Variants in PRKDC observed in about 807,000 individuals in gnomAD.
PRKDC encodes DNA-dependent protein kinase catalytic subunit.
Under a neutral mutation model 486.9 loss-of-function variants are expected in PRKDC, and 82 were observed. The ratio of observed to expected loss-of-function variants is 0.17; its 90% confidence interval spans 0.14 to 0.20. The LOEUF (loss-of-function observed/expected upper bound fraction) is 0.20, where lower values mean the gene tolerates loss of function less well. Ranked by LOEUF, PRKDC falls within the 10% of genes least tolerant of loss-of-function variation. The pLI is 1.00. For missense variants in PRKDC, 4,504 were observed against 5,038.2 expected (o/e 0.89, Z 3.21); for synonymous variants, 1,895 against 1,837.0 (o/e 1.03, Z -0.81).
intron 49 of PRKDC, among the ~76,000 whole-genome samples, chr8:47,856,047 T>G (rs762771634): frequency 6.6e-6 from 1 of 152,222 alleles, no homozygotes; most frequent in Non-Finnish European, 1.5e-5. Flanking sequence ...TCAATCTCTT[T>G]CAACGGACCC....
intron 5 of PRKDC, 85 bp downstream of exon 5, chr8:47,954,253 G>T: frequency 3.4e-6 from 2 of 589,672 alleles, no homozygotes; most frequent in South Asian, 5.9e-5. Context: ...TAAGACCTTG[G>T]TAGAGAAAAC....
intron 48 of PRKDC, among the ~76,000 whole-genome samples, chr8:47,857,864 C>T (rs1037939393): frequency 5.9e-5 from 9 of 152,178 alleles, no homozygotes; most frequent in Non-Finnish European, 8.8e-5. Context: ...CACCCCACCA[C>T]TTAGTGCCCT....
chr8:47,775,604 T>C (rs927209149), intron 85 of PRKDC, among the ~76,000 whole-genome samples: 3 of 152,000 alleles, frequency 2.0e-5, no homozygotes, highest in Non-Finnish European at 4.4e-5. Flanking sequence ...TAATGTATTC[T>C]AGATACAAGT....
intron 70 of PRKDC, among the ~76,000 whole-genome samples, chr8:47,802,148 C>G (rs2087121164): frequency 6.6e-6 from 1 of 152,164 alleles, no homozygotes; most frequent in African/African-American, 2.4e-5. Flanking sequence ...ACAATCATGG[C>G]TCACTGCAGC....
Position 47,782,191 on chromosome 8 carries a change from C to A in PRKDC, c.11460G>T (p.Met3820Ile). 1 of 1,613,988 alleles carries A rather than the reference C, an allele frequency of 6.2e-7. No individual in the cohort carries two copies. Among genetic ancestry groups the A allele is most frequent in the Non-Finnish European group, 8.5e-7 (1 of 1,179,874 alleles). Residue 3820 changes from methionine to isoleucine, a missense_variant, in exon 80 of 86, where the codon ATG (methionine) becomes ATT (isoleucine). By Grantham distance (10) the Met-to-Ile change is conservative (BLOSUM62 1). Coordinates refer to ENST00000314191, the MANE Select transcript of PRKDC (RefSeq NM_006904.7). This position sits in a 1 kb window ranked among gnomAD's most constrained non-coding sequence, Gnocchi z 4.9. Reference sequence around the variant, plus strand: ...GGTAAGCCGCCTTCTCCTCTTGGGACATGGTGTTCAAAAGAAGGTCCTTCA... The same window carrying A: ...GGTAAGCCGCCTTCTCCTCTTGGGAAATGGTGTTCAAAAGAAGGTCCTTCA... ...VTLKDLLLNTMSQEEKAAYLS... is the reference protein window; with the variant it reads ...VTLKDLLLNTISQEEKAAYLS...
At chr8:47,820,593 AT>A (rs990232208) in intron 66 of PRKDC, 125 bp downstream of exon 66, 7 of 601,892 alleles carry the variant, frequency 1.2e-5, no homozygotes, top group Non-Finnish European at 1.4e-5. Flanking sequence ...ATTTTTGTTG[AT>A]TTTTTTCATG....
intron 58 of PRKDC, among the ~76,000 whole-genome samples, chr8:47,835,545 A>T (rs1404746661): frequency 7.6e-6 from 1 of 132,402 alleles, no homozygotes; most frequent in Non-Finnish European, 1.6e-5. Flanking sequence ...TGAACCCAGG[A>T]GGCAGAGGTT....
chr8:47,831,904 T>C lies in PRKDC; in HGVS notation c.8175A>G (p.Leu2725=), dbSNP rs759966217. 8 of 1,613,530 alleles carry C rather than the reference T, an allele frequency of 5.0e-6. No homozygotes were observed. Among genetic ancestry groups the C allele is most frequent in the Non-Finnish European group, 5.1e-6 (6 of 1,179,512 alleles). The change falls in exon 60 of 86, where the codon CTA becomes CTG. Residue 2725 remains leucine, a synonymous_variant. Coordinates refer to ENST00000314191, the MANE Select transcript of PRKDC (RefSeq NM_006904.7). ...KVKGAAGRTD[L]LRLRRRFMRD... ...TCATAAACCGTCTGCGCAGTCGTAG[T>C]AGGTCCGTCCGGCCGGCCGCACCTG...
chr8:47,842,776 A>G (rs2088177939), intron 54 of PRKDC, among the ~76,000 whole-genome samples: 1 of 152,240 alleles, frequency 6.6e-6, no homozygotes, highest in Admixed American at 6.5e-5. Flanking sequence ...CAGAATCCGG[A>G]TGGCGAGAAA....
chr8:47,907,385 T>C (rs1474413972), intron 25 of PRKDC, among the ~76,000 whole-genome samples: 1 of 146,612 alleles, frequency 6.8e-6, no homozygotes, highest in African/African-American at 2.6e-5. Flanking sequence ...TTTTAATACA[T>C]GTATACATAG....
At position 47,893,387 on chromosome 8, in the gene PRKDC, C is replaced by T. The variant is rs549547995; in HGVS notation, c.3599G>A (p.Gly1200Asp). 2.7e-6 allele frequency: 4 copies of T among 1,498,008 alleles called. No homozygotes were observed. The South Asian group carries it at 5.5e-5, about 21-fold the overall frequency. 92.8% of individuals were successfully genotyped at this position (1,498,008 alleles called of 1,614,324 possible). ...LFYKFVPLLP[G>D]NRSPNLWLKD... ...CAGCCACAAATTAGGGGATCTGTTG[C>T]CTTTAAAAAGAAACAAAATTAAAAT... The change falls in exon 31 of 86, where the codon GGC becomes GAC. Residue 1200 changes from glycine (G) to aspartate (D), a missense_variant and splice_region_variant. By Grantham distance (94) the Gly-to-Asp change is moderately conservative (BLOSUM62 -1). Transcript: ENST00000314191.
chr8:47,901,054 T>C (rs961473304), intron 27 of PRKDC, among the ~76,000 whole-genome samples: 8 of 149,692 alleles, frequency 5.3e-5, no homozygotes, highest in African/African-American at 1.7e-4. Flanking sequence ...CCTGGGAGGC[T>C]GAGGCAGGAG....
At position 47,830,755 on chromosome 8, in the gene PRKDC, A is replaced by C; in HGVS notation, c.8266-19T>G. ...TGATTTCCTATAAGCACCAGAACCAAAGAAGAAGATGAGCATTCTCATTGA... is the reference window on the plus strand; with the variant it reads ...TGATTTCCTATAAGCACCAGAACCACAGAAGAAGATGAGCATTCTCATTGA... On this transcript the variant is annotated intron_variant, in intron 60 of 85. Coordinates refer to ENST00000314191, the MANE Select transcript of PRKDC (RefSeq NM_006904.7). The C allele has an allele frequency of 6.2e-7, 1 of 1,613,520 alleles. No individual in the cohort carries two copies. Among genetic ancestry groups the C allele is most frequent in the Non-Finnish European group, 8.5e-7 (1 of 1,179,596 alleles).
intron 85 of PRKDC, among the ~76,000 whole-genome samples, chr8:47,774,687 G>A (rs755881295): frequency 3.3e-5 from 5 of 152,098 alleles, no homozygotes; most frequent in African/African-American, 7.2e-5. Flanking sequence ...CTTTCCCACA[G>A]CAGCTGCACC....
At chr8:47,775,074 C>T (rs1217410193) in intron 85 of PRKDC, among the ~76,000 whole-genome samples, 1 of 151,970 alleles carries the variant, frequency 6.6e-6, no homozygotes, top group African/African-American at 2.4e-5. Context: ...ATAATTCCAG[C>T]TACTCAGGAG....
chr8:47,837,885 C>A (rs1028738253), intron 56 of PRKDC, among the ~76,000 whole-genome samples: 2 of 152,122 alleles, frequency 1.3e-5, no homozygotes, highest in African/African-American at 4.8e-5. Flanking sequence ...CGTGTAATCC[C>A]AGCACTTTGG....
chr8:47,851,794 G>A (rs2088412001), intron 52 of PRKDC, among the ~76,000 whole-genome samples: 1 of 152,212 alleles, frequency 6.6e-6, no homozygotes, highest in South Asian at 2.1e-4. Context: ...CACAGGAGGA[G>A]GACGGGAGCC....
intron 84 of PRKDC, 82 bp from the exon 85 acceptor site, chr8:47,777,065 T>A: frequency 6.7e-7 from 1 of 1,488,722 alleles, no homozygotes; most frequent in Non-Finnish European, 9.0e-7. Flanking sequence ...CTAGTAATGA[T>A]CTTAAAGTAA....
intron 54 of PRKDC, among the ~76,000 whole-genome samples, chr8:47,847,789 C>A (rs572333943): frequency 6.6e-6 from 1 of 151,760 alleles, no homozygotes; most frequent in East Asian, 1.9e-4. Flanking sequence ...CCATAAAAAA[C>A]TTAATTCAAC....
Sources: allele counts gnomAD v4.1 joint callset (sites outside exome capture counted in the v4.1 genomes callset), GRCh38; gene constraint gnomAD v4.1.1; non-coding constraint Gnocchi (gnomAD v3.1); transcripts MANE v1.5; gene names NCBI Gene and HGNC (gene_info 2026-07-23, HGNC 2026-07-21).